Variants in GRM8 observed in about 807,000 individuals in gnomAD.
GRM8 encodes metabotropic glutamate receptor 8.
GRM8 carries 47 observed loss-of-function variants against 87.2 expected under a neutral mutation model. That is an observed-to-expected ratio of 0.54 (90% confidence interval 0.43 to 0.69). The LOEUF is 0.69. GRM8 is among the 30% of genes least tolerant of loss of function. The pLI, the probability that GRM8 is intolerant of heterozygous loss-of-function variation, is 0.00. For missense variants in GRM8, 1,019 were observed against 1,139.2 expected (o/e 0.89, Z 1.52); for synonymous variants, 396 against 404.5 (o/e 0.98, Z 0.25).
At chr7:126,663,949 G>A (rs979914654) in intron 7 of GRM8, among the ~76,000 whole-genome samples, 16 of 152,030 alleles carry the variant, frequency 1.1e-4, no homozygotes, top group East Asian at 1.9e-4. Context: ...TAAAGTGTCC[G>A]GATACAAAAT....
At position 127,093,641 on chromosome 7, in the gene GRM8, C is replaced by CA. The variant is rs1296217888; in HGVS notation, c.727+12854dup. Among the ~76,000 whole-genome samples, 4 of 152,348 alleles carry CA rather than the reference C, an allele frequency of 2.6e-5. No individual in the cohort carries two copies. In the East Asian group the frequency reaches 7.7e-4, roughly 29 times the overall value. On this transcript the variant is annotated intron_variant, in intron 3 of 10. Transcript: ENST00000339582. Reference sequence around the variant, plus strand: ...GAGATTATTTTTTTCCTCACTGCTACAACTGCCAGAAAATATGTTTAAATC... The same window carrying CA: ...GAGATTATTTTTTTCCTCACTGCTACAAACTGCCAGAAAATATGTTTAAATC...
chr7:127,216,380 T>C (rs1335245560), intron 2 of GRM8, among the ~76,000 whole-genome samples: 2 of 151,994 alleles, frequency 1.3e-5, no homozygotes, highest in African/African-American at 4.8e-5. Context: ...TAGCCGGGCA[T>C]GGTGGCATGC....
At chr7:127,019,016 T>C (rs1259706087) in intron 3 of GRM8, among the ~76,000 whole-genome samples, 2 of 152,008 alleles carry the variant, frequency 1.3e-5, no homozygotes, top group South Asian at 2.1e-4. Context: ...CCCTAGCTGA[T>C]ACAGGGTTGT....
chr7:126,834,017 T>C (rs1159231881), intron 6 of GRM8, among the ~76,000 whole-genome samples: 1 of 152,138 alleles, frequency 6.6e-6, no homozygotes. Flanking sequence ...GCAAAGTGCC[T>C]GTGCTGTGCC....
chr7:126,795,267 C>T (rs1000825930), intron 6 of GRM8, among the ~76,000 whole-genome samples: 5 of 152,038 alleles, frequency 3.3e-5, no homozygotes, highest in South Asian at 2.1e-4. Context: ...AGGCATTAGG[C>T]GCAGAGTTGA....
At chr7:126,826,393 C>T in intron 6 of GRM8, among the ~76,000 whole-genome samples, 1 of 152,158 alleles carries the variant, frequency 6.6e-6, no homozygotes, top group Middle Eastern at 3.2e-3. Flanking sequence ...TGTTTCCTGA[C>T]TTTTTAATGA....
At chr7:127,100,610 A>G (rs962349616) in intron 3 of GRM8, among the ~76,000 whole-genome samples, 2 of 152,208 alleles carry the variant, frequency 1.3e-5, no homozygotes, top group Non-Finnish European at 2.9e-5. Context: ...TGGAAGGCAA[A>G]TGAGGGACAA....
At chr7:127,111,421 C>A (rs1357328358) in intron 2 of GRM8, among the ~76,000 whole-genome samples, 2 of 152,094 alleles carry the variant, frequency 1.3e-5, no homozygotes, top group African/African-American at 4.8e-5. Flanking sequence ...CCTAACCACC[C>A]AGAACGTGAC....
intron 7 of GRM8, among the ~76,000 whole-genome samples, chr7:126,737,576 A>G (rs1390018720): frequency 6.6e-6 from 1 of 152,020 alleles, no homozygotes; most frequent in Non-Finnish European, 1.5e-5. Context: ...CAAGGTGGTT[A>G]CAACCTCTCT....
chr7:127,210,193 G>A (rs1796134997), intron 2 of GRM8, among the ~76,000 whole-genome samples: 1 of 152,164 alleles, frequency 6.6e-6, no homozygotes, highest in Non-Finnish European at 1.5e-5. Context: ...ACATCACAAA[G>A]ATGTTAGTTT....
At chr7:126,972,572 T>C (rs2131784591) in intron 3 of GRM8, among the ~76,000 whole-genome samples, 1 of 152,336 alleles carries the variant, frequency 6.6e-6, no homozygotes, top group African/African-American at 2.4e-5. Flanking sequence ...GTTCAGAAAC[T>C]GTTTATTTCT....
intron 6 of GRM8, among the ~76,000 whole-genome samples, chr7:126,823,768 G>T (rs1307028600): frequency 1.3e-5 from 2 of 152,062 alleles, no homozygotes; most frequent in South Asian, 4.1e-4. Flanking sequence ...CATTTCAAGG[G>T]CTCAGTAGGC....
chr7:126,883,287 CTA>C lies in GRM8; in HGVS notation c.1156+19253_1156+19254del, dbSNP rs573384131. 3.0e-4 allele frequency among the ~76,000 whole-genome samples: 45 copies of C among 152,290 alleles called. No individual in the cohort carries two copies. In the East Asian group the frequency reaches 8.1e-3, roughly 27 times the overall value. On this transcript the variant is annotated intron_variant, in intron 6 of 10. Transcript: ENST00000339582. ...AAGAGAATGTTCAGCCTCATTTTAA[CTA>C]TGCAACTGGTAGAAGAAGAAGAAAT...
intron 7 of GRM8, among the ~76,000 whole-genome samples, chr7:126,694,704 T>C (rs184164190): frequency 6.6e-6 from 1 of 152,226 alleles, no homozygotes; most frequent in African/African-American, 2.4e-5. Flanking sequence ...TCCTCTGGGT[T>C]CTGCTTAGGC....
At chr7:126,989,956 A>C (rs1161896852) in intron 3 of GRM8, among the ~76,000 whole-genome samples, 1 of 152,022 alleles carries the variant, frequency 6.6e-6, no homozygotes. Flanking sequence ...GACTCAAAAA[A>C]AAAATGGGGG....
At chr7:126,546,161 C>T (rs371492877) in intron 8 of GRM8, among the ~76,000 whole-genome samples, 10 of 152,152 alleles carry the variant, frequency 6.6e-5, no homozygotes, top group African/African-American at 2.4e-4. Context: ...TGAGGACATA[C>T]TATGTGTCAG....
intron 7 of GRM8, among the ~76,000 whole-genome samples, chr7:126,721,168 T>C (rs1329825796): frequency 6.6e-6 from 1 of 152,200 alleles, no homozygotes; most frequent in African/African-American, 2.4e-5. Flanking sequence ...CACTATTTCT[T>C]CACAATGTCA....
chr7:126,877,820 G>C (rs754213804), intron 6 of GRM8, among the ~76,000 whole-genome samples: 2 of 152,182 alleles, frequency 1.3e-5, no homozygotes, highest in Non-Finnish European at 2.9e-5. Context: ...TGCTTTCCTT[G>C]ATCAGAGATA....
chr7:127,162,250 A>T (rs1793162491), intron 2 of GRM8, among the ~76,000 whole-genome samples: 1 of 152,208 alleles, frequency 6.6e-6, no homozygotes, highest in South Asian at 2.1e-4. Context: ...GTTTGGAAAG[A>T]CTAAGAGGCT....
Sources: allele counts gnomAD v4.1 joint callset (sites outside exome capture counted in the v4.1 genomes callset), GRCh38; gene constraint gnomAD v4.1.1; transcripts MANE v1.5; gene names NCBI Gene and HGNC (gene_info 2026-07-23, HGNC 2026-07-21).